Variants in SESN1 observed in about 807,000 individuals in gnomAD.
SESN1 encodes the protein sestrin 1.
SESN1 carries 30 observed loss-of-function variants against 59.3 expected under a neutral mutation model. That is an observed-to-expected ratio of 0.51 (90% confidence interval 0.38 to 0.69). The LOEUF is 0.69. SESN1 is among the 30% of genes least tolerant of loss of function. The probability of loss-of-function intolerance (pLI) is 0.00; values close to 1 mark genes in which losing one functional copy is unlikely to be tolerated. For synonymous variants in SESN1, 197 were observed against 219.9 expected, an observed-to-expected ratio of 0.90 and a Z score of 0.92; for missense variants, 566 against 673.0, an observed-to-expected ratio of 0.84 and a Z score of 1.76.
At chr6:109,083,165 G>A (rs1362231861) in intron 1 of SESN1, among the ~76,000 whole-genome samples, 1 of 152,126 alleles carries the variant, frequency 6.6e-6, no homozygotes, top group African/African-American at 2.4e-5. Flanking sequence ...ATAATAAAAT[G>A]TCAATTACTA....
rs1270530390 is a variant in SESN1 at position 108,986,344 on chromosome 6, A to T, written c.*1200T>A. ...GCTTCAAGTGTTGTTTTGCCATTTA[A>T]GTGTGAATGTACTTGGCTTATGAAA... On this transcript the variant is annotated 3_prime_UTR_variant, in exon 10 of 10. Coordinates refer to ENST00000436639, the MANE Select transcript of SESN1 (RefSeq NM_014454.3). 6.6e-6 allele frequency: 1 copy of T among 152,446 alleles called. No individual in the cohort carries two copies. The highest frequency in any genetic ancestry group is 1.5e-5 in the Non-Finnish European group (1 of 68,048). 9.4% of individuals were successfully genotyped at this position (152,446 alleles called of 1,614,324 possible).
chr6:109,027,091 A>G (rs566650672), intron 1 of SESN1, among the ~76,000 whole-genome samples: 1 of 152,224 alleles, frequency 6.6e-6, no homozygotes, highest in South Asian at 2.1e-4. Flanking sequence ...AATCGCTTGA[A>G]TCTGGGAGGT....
In SESN1 at chr6:108,987,427, T is replaced by C. The variant is rs992886393; in HGVS notation, c.*117A>G. On this transcript the variant is annotated 3_prime_UTR_variant, in exon 10 of 10. Transcript: ENST00000436639. ...AAAATAGCAGAAACTAAAGGAATCA[T>C]GGCACAATGGATTTCTGAATTATTT... The C allele has an allele frequency of 3.4e-6, 2 of 583,030 alleles. No homozygotes were observed. The highest frequency in any genetic ancestry group is 6.1e-6 in the Non-Finnish European group (2 of 328,818). The allele number at this position is 583,030 out of a possible 1,614,324, so 36.1% of individuals were successfully genotyped here.
intron 1 of SESN1, chr6:109,009,456 C>G (rs1779811151): frequency 7.7e-7 from 1 of 1,306,556 alleles, no homozygotes; most frequent in Non-Finnish European, 9.8e-7. Context: ...GGCGGCCAAG[C>G]GCATGTCGGC....
intron 1 of SESN1, among the ~76,000 whole-genome samples, chr6:109,091,820 A>G (rs1781321312): frequency 6.6e-6 from 1 of 152,220 alleles, no homozygotes; most frequent in Non-Finnish European, 1.5e-5. Flanking sequence ...TGCAAGCATA[A>G]ATGAATGATG....
At chr6:109,009,261 T>G in intron 1 of SESN1, 1 of 1,122,804 alleles carries the variant, frequency 8.9e-7, no homozygotes. Flanking sequence ...GGAGCGACTG[T>G]GAGGAGGCAA....
intron 1 of SESN1, among the ~76,000 whole-genome samples, chr6:109,030,797 A>T (rs539167452): frequency 6.6e-6 from 1 of 152,350 alleles, no homozygotes; most frequent in Non-Finnish European, 1.5e-5. Flanking sequence ...AACTTCTTAC[A>T]ACAACCTTGT....
intron 1 of SESN1, among the ~76,000 whole-genome samples, chr6:109,072,890 A>G (rs1267977595): frequency 6.6e-6 from 1 of 152,126 alleles, no homozygotes; most frequent in Non-Finnish European, 1.5e-5. Flanking sequence ...CAGACATTTT[A>G]TCTAGTCAAT....
Position 109,061,088 on chromosome 6 carries a change from TCACA to T in SESN1, c.279+32703_279+32706del, listed in dbSNP as rs571365460. ...AATGCATTTTACTTTTTGAAATATC[TCACA>T]CATATTATTCATAACTCAGTTGTAT... On this transcript the variant is annotated intron_variant, in intron 1 of 9. Coordinates refer to ENST00000436639, the MANE Select transcript of SESN1 (RefSeq NM_014454.3). 3.0e-4 allele frequency among the ~76,000 whole-genome samples: 46 copies of T among 152,294 alleles called. No homozygotes were observed. The East Asian group carries it at 8.9e-3, about 29-fold the overall frequency.
chr6:109,019,379 T>C (rs566814115), intron 1 of SESN1, among the ~76,000 whole-genome samples: 1 of 152,338 alleles, frequency 6.6e-6, no homozygotes, highest in Admixed American at 6.5e-5. Context: ...GCTGGGGGAA[T>C]CTAGTTCAAA....
chr6:109,091,512 G>C (rs1245814074), intron 1 of SESN1, among the ~76,000 whole-genome samples: 1 of 152,118 alleles, frequency 6.6e-6, no homozygotes, highest in Non-Finnish European at 1.5e-5. Context: ...ATTACTTTCA[G>C]CTCCTAGAAC....
intron 1 of SESN1, among the ~76,000 whole-genome samples, chr6:109,006,695 T>G (rs991299923): frequency 1.2e-4 from 18 of 152,186 alleles, no homozygotes; most frequent in African/African-American, 4.3e-4. Flanking sequence ...GTAGTAGTCT[T>G]GGTTTATAAA....
At chr6:109,073,461 A>G (rs899507560) in intron 1 of SESN1, among the ~76,000 whole-genome samples, 1 of 152,154 alleles carries the variant, frequency 6.6e-6, no homozygotes, top group Non-Finnish European at 1.5e-5. Flanking sequence ...ACCCCCCTTT[A>G]AAAACATAAG....
chr6:109,053,942 G>A (rs1780586606), intron 1 of SESN1, among the ~76,000 whole-genome samples: 1 of 152,092 alleles, frequency 6.6e-6, no homozygotes, highest in Admixed American at 6.5e-5. Context: ...CTGGGTCTGG[G>A]CAATTACCTT....
chr6:109,064,167 C>T (rs1163292773), intron 1 of SESN1, among the ~76,000 whole-genome samples: 3 of 152,104 alleles, frequency 2.0e-5, no homozygotes, highest in Non-Finnish European at 4.4e-5. Flanking sequence ...TATCTGTCAA[C>T]TTCTAGAATT....
At position 109,009,489 on chromosome 6, in the gene SESN1, G is replaced by A. The variant is rs998821377; in HGVS notation, c.280-7146C>T. Reference sequence around the variant, plus strand: ...GGCGCGGGGACGGCTGCGGACGCGCGGAGGCGGCGAGCGCTGGGCAGCCGG... The same window carrying A: ...GGCGCGGGGACGGCTGCGGACGCGCAGAGGCGGCGAGCGCTGGGCAGCCGG... On this transcript the variant is annotated intron_variant, in intron 1 of 9. Transcript: ENST00000436639. 15 of 1,235,212 alleles carry A rather than the reference G, an allele frequency of 1.2e-5. No homozygotes were observed. The East Asian group carries it at 4.3e-4, about 35-fold the overall frequency. 76.5% of individuals were successfully genotyped at this position (1,235,212 alleles called of 1,614,324 possible).
chr6:109,076,327 ACTTT>A lies in SESN1; in HGVS notation c.279+17464_279+17467del, dbSNP rs780066136. On this transcript the variant is annotated intron_variant, in intron 1 of 9. Coordinates refer to ENST00000436639, the MANE Select transcript of SESN1 (RefSeq NM_014454.3). Reference sequence around the variant, plus strand: ...AGTTTAATTTGCTTGATAAGAATCTACTTTCTTTCAATAAGTTTTCAATACAGTA... The same window carrying A: ...AGTTTAATTTGCTTGATAAGAATCTACTTTCAATAAGTTTTCAATACAGTA... 1.3e-4 allele frequency among the ~76,000 whole-genome samples: 20 copies of A among 152,274 alleles called. No homozygotes were observed. The East Asian group carries it at 1.9e-3, about 15-fold the overall frequency.
At chr6:109,044,732 AGCTGAACTCAGCCGGGCGCAGTGGCTCAC>A (rs1188638155) in intron 1 of SESN1, among the ~76,000 whole-genome samples, 51 of 152,272 alleles carry the variant, frequency 3.3e-4, no homozygotes, top group African/African-American at 1.2e-3. Flanking sequence ...AAAAATAAAA[AGCTGAACTCAGCCGGGCGCAGTGGCTCAC>A]GCCTGTAATC....
At chr6:109,071,434 T>G (rs79948792) in intron 1 of SESN1, among the ~76,000 whole-genome samples, 20,345 of 151,924 alleles carry the variant, frequency 0.13, 1,888 homozygotes, top group Non-Finnish European at 0.21. Flanking sequence ...CCTTTTATCT[T>G]CATTTTGCTG....
Sources: allele counts gnomAD v4.1 joint callset (sites outside exome capture counted in the v4.1 genomes callset), GRCh38; gene constraint gnomAD v4.1.1; transcripts MANE v1.5; gene names NCBI Gene and HGNC (gene_info 2026-07-23, HGNC 2026-07-21).